The following SPAST variants were observed in gnomAD, a reference collection of about 807,000 sequenced individuals.
The protein encoded by SPAST is spastin, also known as spastic paraplegia 4 (autosomal dominant; spastin).
SPAST carries 30 observed loss-of-function variants against 76.6 expected under a neutral mutation model. That is an observed-to-expected ratio of 0.39 (90% CI 0.29 to 0.53). SPAST has a LOEUF of 0.53. Among genes scored for constraint, SPAST ranks in the 20% least tolerant of loss-of-function variants. The probability of loss-of-function intolerance (pLI) is 0.68; values close to 1 mark genes in which losing one functional copy is unlikely to be tolerated. For synonymous variants in SPAST, 305 were observed against 281.0 expected (o/e 1.09, Z -0.86); for missense variants, 717 against 770.5 (o/e 0.93, Z 0.82).
intron 12 of SPAST, among the ~76,000 whole-genome samples, chr2:32,139,086 C>T (rs549779053): frequency 3.3e-5 from 5 of 152,210 alleles, no homozygotes; most frequent in South Asian, 2.1e-4. Context: ...AGTCAGGTAA[C>T]GTGATACTTA....
intron 4 of SPAST, among the ~76,000 whole-genome samples, chr2:32,101,750 G>A (rs1191809664): frequency 6.6e-6 from 1 of 152,140 alleles, no homozygotes; most frequent in Non-Finnish European, 1.5e-5. Flanking sequence ...CCCATTTATT[G>A]TTTTTGTCAG....
chr2:32,080,933 T>C (rs1207665792), intron 1 of SPAST, among the ~76,000 whole-genome samples: 1 of 150,142 alleles, frequency 6.7e-6, no homozygotes, highest in Non-Finnish European at 1.5e-5. Context: ...TAGCTAGGAC[T>C]ACAGGCACGT....
At chr2:32,091,626 A>C (rs1677721039) in intron 3 of SPAST, among the ~76,000 whole-genome samples, 1 of 149,538 alleles carries the variant, frequency 6.7e-6, no homozygotes, top group Admixed American at 6.7e-5. Flanking sequence ...AGGTCAGGAG[A>C]TTGAGACCAT....
intron 1 of SPAST, among the ~76,000 whole-genome samples, chr2:32,078,250 C>A (rs1677054456): frequency 6.6e-6 from 1 of 152,156 alleles, no homozygotes; most frequent in African/African-American, 2.4e-5. Flanking sequence ...TTTTTCACTG[C>A]AACCTTTGCC....
chr2:32,111,342 A>T (rs1030070968), intron 4 of SPAST, among the ~76,000 whole-genome samples: 1 of 127,396 alleles, frequency 7.8e-6, no homozygotes. Flanking sequence ...GTATATATAC[A>T]GTATACTGTA....
intron 3 of SPAST, among the ~76,000 whole-genome samples, chr2:32,089,851 C>T (rs1677641435): frequency 1.3e-5 from 2 of 152,092 alleles, no homozygotes; most frequent in East Asian, 1.9e-4. Context: ...GCAAGCTCTA[C>T]CTCCCAGGTT....
chr2:32,122,487 A>G lies in SPAST; in HGVS notation c.1099-4461A>G, dbSNP rs555701955. 5.4e-4 allele frequency among the ~76,000 whole-genome samples: 82 copies of G among 152,086 alleles called. 1 individual carries two copies. The highest frequency in any genetic ancestry group is 1.8e-3 in the African/African-American group (74 of 41,520). ...TAGGCATGCACCACCACGCCTGGCT[A>G]ATTTTTGTATTTTTAGTAGAGACGG... On this transcript the variant is annotated intron_variant, in intron 7 of 16. Transcript: ENST00000315285.
At chr2:32,114,254 T>C (rs906423816) in intron 4 of SPAST, among the ~76,000 whole-genome samples, 1 of 151,748 alleles carries the variant, frequency 6.6e-6, no homozygotes. Context: ...ATAAAAAAAA[T>C]TTTTAATTAG....
intron 1 of SPAST, among the ~76,000 whole-genome samples, chr2:32,076,660 T>G (rs754961946): frequency 6.6e-6 from 1 of 152,166 alleles, no homozygotes; most frequent in Non-Finnish European, 1.5e-5. Context: ...TGCTGGGGAT[T>G]AACACACCAT....
At chr2:32,084,025 C>T (rs1008132623) in intron 1 of SPAST, among the ~76,000 whole-genome samples, 21 of 151,070 alleles carry the variant, frequency 1.4e-4, no homozygotes, top group East Asian at 1.9e-4. Flanking sequence ...GTGATCCACC[C>T]GCTTCAGCCT....
intron 14 of SPAST, among the ~76,000 whole-genome samples, chr2:32,144,075 T>G (rs1210888278): frequency 6.6e-6 from 1 of 152,192 alleles, no homozygotes; most frequent in Non-Finnish European, 1.5e-5. Context: ...CGCTCATGAA[T>G]TTTATTCCCT....
chr2:32,101,437 C>T (rs79136842), intron 4 of SPAST, among the ~76,000 whole-genome samples: 14,919 of 151,804 alleles, frequency 0.098, 796 homozygotes, highest in Middle Eastern at 0.2. Flanking sequence ...ATGGTAGTTT[C>T]TTTTGCTGTG....
chr2:32,065,662 C>A (rs971810343), intron 1 of SPAST, among the ~76,000 whole-genome samples: 7 of 152,140 alleles, frequency 4.6e-5, no homozygotes, highest in African/African-American at 1.7e-4. Flanking sequence ...CCAAAAACAC[C>A]CACTTTTCTA....
At chr2:32,128,138 G>T in intron 8 of SPAST, 1 of 389,754 alleles carries the variant, frequency 2.6e-6, no homozygotes, top group South Asian at 2.3e-5. Flanking sequence ...GGGATTACAG[G>T]CATGCGCCAC....
chr2:32,078,755 C>G (rs1486557692), intron 1 of SPAST, among the ~76,000 whole-genome samples: 4 of 152,160 alleles, frequency 2.6e-5, no homozygotes, highest in Non-Finnish European at 5.9e-5. Context: ...TTTGTACTTA[C>G]ATAAACATAA....
chr2:32,083,733 ATATATATTTATATATAC>A lies in SPAST; in HGVS notation c.416-3751_416-3735del, dbSNP rs1349746384. Among the ~76,000 whole-genome samples, 590 of 71,772 alleles carry A rather than the reference ATATATATTTATATATAC, an allele frequency of 8.2e-3. 11 individuals carry two copies. The highest frequency in any genetic ancestry group is 0.02 in the African/African-American group (353 of 17,984). 47.1% of individuals were successfully genotyped at this position (71,772 alleles called of 152,430 possible). On this transcript the variant is annotated intron_variant, in intron 1 of 16. Transcript: ENST00000315285. The stretch of plus-strand genomic sequence containing the variant: ...TATACTATATATATTTATATATACT[ATATATATTTATATATAC>A]TATATATATATATATATATATATAT...
chr2:32,151,480 A>T (rs1573181927), intron 16 of SPAST, among the ~76,000 whole-genome samples: 1 of 152,296 alleles, frequency 6.6e-6, no homozygotes, highest in East Asian at 1.9e-4. Context: ...ATTTCCATTT[A>T]TGGGATGAGA....
intron 2 of SPAST, among the ~76,000 whole-genome samples, chr2:32,088,133 C>T (rs1677566945): frequency 6.6e-6 from 1 of 151,918 alleles, no homozygotes; most frequent in Non-Finnish European, 1.5e-5. Flanking sequence ...AGTGATCTGC[C>T]CACCTCAGCC....
In SPAST at chr2:32,156,920, C is replaced by T. The variant is rs1222056993; in HGVS notation, c.*2424C>T. ...CTGAACTTCAGCTAGTGCTAGAGAA[C>T]TATTTTCTATGACTTAACTCTAACC... On this transcript the variant is annotated 3_prime_UTR_variant, in exon 17 of 17. Transcript: ENST00000315285. 1.3e-5 allele frequency: 2 copies of T among 152,144 alleles called. No individual in the cohort carries two copies. The highest frequency in any genetic ancestry group is 4.8e-5 in the African/African-American group (2 of 41,444). The allele number at this position is 152,144 out of a possible 1,614,324, so 9.4% of individuals were successfully genotyped here. A position where few individuals can be genotyped will look rare whatever the true frequency, so the allele number is the denominator to read the frequency against.
Sources: gnomAD v4.1 joint callset for allele counts (sites outside exome capture counted in the v4.1 genomes callset) on GRCh38, gnomAD v4.1.1 for gene constraint, MANE v1.5 for transcripts, NCBI Gene and HGNC (gene_info 2026-07-23, HGNC 2026-07-21) for gene names.